TMEM178B: variants seen among roughly 807,000 people sequenced by gnomAD.
TMEM178B encodes transmembrane protein 178B.
TMEM178B carries 5 observed loss-of-function variants against 31.0 expected under a neutral mutation model. That is an observed-to-expected ratio of 0.16 (90% CI 0.08 to 0.34). The LOEUF is 0.34. Among genes scored for constraint, TMEM178B ranks in the 10% least tolerant of loss-of-function variants. The pLI is 1.00. For synonymous variants in TMEM178B, 164 were observed against 164.0 expected (o/e 1.00, Z 0.00); for missense variants, 275 against 400.3 (o/e 0.69, Z 2.67).
At chr7:141,177,723 G>T (rs1397785507) in intron 1 of TMEM178B, among the ~76,000 whole-genome samples, 7 of 152,098 alleles carry the variant, frequency 4.6e-5, no homozygotes, top group Non-Finnish European at 1.0e-4. Flanking sequence ...TTTGATCTTT[G>T]TTGGTTTAAA....
At chr7:141,133,197 C>G (rs1259589475) in intron 1 of TMEM178B, among the ~76,000 whole-genome samples, 2 of 151,766 alleles carry the variant, frequency 1.3e-5, no homozygotes. Flanking sequence ...GATATGACAC[C>G]TATAAAAGAA....
chr7:141,153,829 T>C (rs1796019435), intron 1 of TMEM178B, among the ~76,000 whole-genome samples: 1 of 152,252 alleles, frequency 6.6e-6, no homozygotes, highest in Non-Finnish European at 1.5e-5. Flanking sequence ...ACAGATATTT[T>C]TCCATTTATC....
At chr7:141,313,257 A>G (rs142703817) in intron 2 of TMEM178B, among the ~76,000 whole-genome samples, 4 of 152,308 alleles carry the variant, frequency 2.6e-5, no homozygotes, top group African/African-American at 9.6e-5. Flanking sequence ...AGATTTTGCC[A>G]TGACTCCTTC....
chr7:141,376,094 T>A (rs2116578579), intron 2 of TMEM178B, among the ~76,000 whole-genome samples: 1 of 152,374 alleles, frequency 6.6e-6, no homozygotes, highest in Middle Eastern at 3.4e-3. Flanking sequence ...TTGATCTTCC[T>A]TAATGCTTAG....
At chr7:141,468,667 G>A (rs1414162045) in intron 3 of TMEM178B, among the ~76,000 whole-genome samples, 1 of 152,142 alleles carries the variant, frequency 6.6e-6, no homozygotes, top group Non-Finnish European at 1.5e-5. Flanking sequence ...ACTGTCTGGG[G>A]TAATTATCCG....
intron 2 of TMEM178B, among the ~76,000 whole-genome samples, chr7:141,387,976 G>A (rs1056562779): frequency 3.9e-5 from 6 of 152,128 alleles, no homozygotes; most frequent in Non-Finnish European, 8.8e-5. Flanking sequence ...CCACTTACCT[G>A]CTGTCACCTG....
At chr7:141,489,370 G>A in the TMEM178B span, among the ~76,000 whole-genome samples, 1 of 152,094 alleles carries the variant, frequency 6.6e-6, no homozygotes, top group Non-Finnish European at 1.5e-5. Flanking sequence ...TTAATAATTA[G>A]CACAATGGTT....
chr7:141,393,491 C>T (rs1800582236), intron 2 of TMEM178B, among the ~76,000 whole-genome samples: 1 of 152,112 alleles, frequency 6.6e-6, no homozygotes, highest in Admixed American at 6.5e-5. Flanking sequence ...AAGAAGGAGG[C>T]ATGGCATGTG....
the TMEM178B span, among the ~76,000 whole-genome samples, chr7:141,486,351 A>G: frequency 2.6e-5 from 4 of 152,192 alleles, no homozygotes; most frequent in Non-Finnish European, 5.9e-5. Context: ...CTTCATCGCT[A>G]ATCAATGCAT....
chr7:141,308,206 C>T (rs1798850208), intron 2 of TMEM178B, among the ~76,000 whole-genome samples: 1 of 152,164 alleles, frequency 6.6e-6, no homozygotes, highest in South Asian at 2.1e-4. Flanking sequence ...CAAACTCTTA[C>T]CATCTGCCTA....
In TMEM178B at chr7:141,248,344, G is replaced by A. The variant is rs185038087; in HGVS notation, c.496+35640G>A. On this transcript the variant is annotated intron_variant, in intron 2 of 3. Coordinates refer to ENST00000565468, the MANE Select transcript of TMEM178B (RefSeq NM_001195278.2). ...GAGAATCGCTTGAACCTGGGAGGCG[G>A]AGGTTGTAGTGAGCCGAGATTGCGC... is the stretch of plus-strand genomic sequence containing the variant. Among the ~76,000 whole-genome samples the A allele has an allele frequency of 2.4e-3, 373 of 152,310 alleles. 2 individuals carry two copies. Among genetic ancestry groups the A allele is most frequent in the African/African-American group, 7.9e-3 (327 of 41,558 alleles).
chr7:141,435,731 A>G (rs940154771), intron 2 of TMEM178B, among the ~76,000 whole-genome samples: 2 of 152,216 alleles, frequency 1.3e-5, no homozygotes, highest in Non-Finnish European at 1.5e-5. Flanking sequence ...CATCTGACAC[A>G]TATGGTAATA....
intron 1 of TMEM178B, among the ~76,000 whole-genome samples, chr7:141,189,804 A>G (rs1796668470): frequency 6.6e-6 from 1 of 152,002 alleles, no homozygotes; most frequent in Non-Finnish European, 1.5e-5. Context: ...TGGGGAGAGG[A>G]GGGCTCTGAG....
intron 2 of TMEM178B, among the ~76,000 whole-genome samples, chr7:141,424,385 G>T (rs552725787): frequency 6.6e-6 from 1 of 152,144 alleles, no homozygotes; most frequent in African/African-American, 2.4e-5. Context: ...CAGTACATGC[G>T]CACTGTTGGC....
At chr7:141,241,712 G>T (rs1586845029) in intron 2 of TMEM178B, among the ~76,000 whole-genome samples, 1 of 151,894 alleles carries the variant, frequency 6.6e-6, no homozygotes, top group African/African-American at 2.4e-5. Context: ...GCTTCGCTTT[G>T]CTTCCTTCAG....
rs552268230 is a variant in TMEM178B at position 141,187,628 on chromosome 7, G to A, written c.383-24963G>A. Among the ~76,000 whole-genome samples, 5 of 152,208 alleles carry A rather than the reference G, an allele frequency of 3.3e-5. No individual in the cohort carries two copies. In the South Asian group the frequency reaches 8.3e-4, roughly 25 times the overall value. ...GTTGTTTCCTAACTTTTTCATGATC[G>A]CCATTCTAACTGGTGTGAGATGGTA... On this transcript the variant is annotated intron_variant, in intron 1 of 3. Coordinates refer to ENST00000565468, the MANE Select transcript of TMEM178B (RefSeq NM_001195278.2).
chr7:141,139,059 G>A (rs1179875531), intron 1 of TMEM178B, among the ~76,000 whole-genome samples: 1 of 151,934 alleles, frequency 6.6e-6, no homozygotes, highest in Non-Finnish European at 1.5e-5. Flanking sequence ...TGACTTACAT[G>A]TTTTCAGGAG....
chr7:141,319,644 T>A (rs1799064605), intron 2 of TMEM178B, among the ~76,000 whole-genome samples: 1 of 152,162 alleles, frequency 6.6e-6, no homozygotes, highest in Non-Finnish European at 1.5e-5. Context: ...GTTCAGGTGA[T>A]TCTCCTGCCT....
intron 2 of TMEM178B, among the ~76,000 whole-genome samples, chr7:141,281,089 G>T (rs929872354): frequency 6.6e-6 from 1 of 152,000 alleles, no homozygotes; most frequent in Non-Finnish European, 1.5e-5. Context: ...TCAAAATTCT[G>T]TGAAGGGCCT....
Sources: allele counts gnomAD v4.1 joint callset (sites outside exome capture counted in the v4.1 genomes callset), GRCh38; gene constraint gnomAD v4.1.1; transcripts MANE v1.5; gene names NCBI Gene and HGNC (gene_info 2026-07-23, HGNC 2026-07-21).